The following AVEN variants were observed in gnomAD, a reference collection of about 807,000 sequenced individuals.
AVEN encodes the protein cell death regulator Aven.
A neutral mutation model predicts 38.1 loss-of-function variants in AVEN; 41 were observed. That is an observed-to-expected ratio of 1.08 (90% CI 0.84 to 1.40). The LOEUF is 1.40. AVEN is among the 40% of genes most tolerant of loss of function. The pLI is 0.00. For missense variants in AVEN, 605 were observed against 438.8 expected, an observed-to-expected ratio of 1.38 and a Z score of -3.38; for synonymous variants, 206 against 171.8, an observed-to-expected ratio of 1.20 and a Z score of -1.56.
chr15:33,855,911 C>G (rs1467528917), downstream of AVEN: 1 of 152,184 alleles, frequency 6.6e-6, no homozygotes, highest in Non-Finnish European at 1.5e-5. Flanking sequence ...TTTCATTCCT[C>G]ATTAAGTACA....
chr15:34,054,561 C>G (rs2140833301), intron 5 of AVEN, among the ~76,000 whole-genome samples: 1 of 152,266 alleles, frequency 6.6e-6, no homozygotes, highest in South Asian at 2.1e-4. Context: ...TTACCCTGAG[C>G]AGACTAACAC....
chr15:33,882,907 G>A (rs116749129), intron 2 of AVEN, among the ~76,000 whole-genome samples: 2,412 of 151,994 alleles, frequency 0.016, 68 homozygotes, highest in African/African-American at 0.054. Flanking sequence ...AAACAAAAAC[G>A]GAAGAAAATT....
In AVEN at chr15:33,983,200, G is replaced by GTATATATA. The variant is rs769965010; in HGVS notation, c.445+19824_445+19831dup. Among the ~76,000 whole-genome samples the GTATATATA allele has an allele frequency of 9.4e-5, 6 of 63,960 alleles. No homozygotes were observed. The East Asian group carries it at 2.2e-3, about 24-fold the overall frequency. 42.0% of individuals were successfully genotyped at this position (63,960 alleles called of 152,430 possible). A position where few individuals can be genotyped will look rare whatever the true frequency, so the allele number is the denominator to read the frequency against. On this transcript the variant is annotated intron_variant, in intron 2 of 5. Transcript: ENST00000306730. ...TATACACACGTGTGTGTATGTGTGTGTATATATATATATACATATATATAC... is the reference window on the plus strand; with the variant it reads ...TATACACACGTGTGTGTATGTGTGTGTATATATATATATATATATATACATATATATAC...
At chr15:34,054,068 G>T (rs761589708) in intron 5 of AVEN, among the ~76,000 whole-genome samples, 4 of 151,610 alleles carry the variant, frequency 2.6e-5, no homozygotes, top group Non-Finnish European at 5.9e-5. Context: ...GCCAAAAAAC[G>T]TGAAAAAAAA....
At chr15:34,043,117 G>A (rs1899545702), upstream of AVEN, among the ~76,000 whole-genome samples, 1 of 151,896 alleles carries the variant, frequency 6.6e-6, no homozygotes, top group South Asian at 2.1e-4. Flanking sequence ...CATGGTGACG[G>A]GCGCCTGTAG....
At chr15:33,862,929 G>C (rs1415985255), downstream of AVEN, among the ~76,000 whole-genome samples, 2 of 152,224 alleles carry the variant, frequency 1.3e-5, no homozygotes, top group Non-Finnish European at 2.9e-5. Context: ...AAAAACTTGA[G>C]TTTTAAAAAG....
chr15:34,067,929 A>G (rs1900550257), intron 2 of AVEN, among the ~76,000 whole-genome samples: 1 of 152,210 alleles, frequency 6.6e-6, no homozygotes, highest in Admixed American at 6.5e-5. Context: ...CCAGATCGAG[A>G]GTGAGCGGAA....
chr15:34,044,027 T>C (rs577135093), upstream of AVEN, among the ~76,000 whole-genome samples: 2 of 152,152 alleles, frequency 1.3e-5, no homozygotes, highest in African/African-American at 2.4e-5. Flanking sequence ...TGCACATCAG[T>C]TGGTACCTTC....
chr15:33,856,253 C>T (rs773767336), downstream of AVEN: 2 of 152,208 alleles, frequency 1.3e-5, no homozygotes, highest in Non-Finnish European at 2.9e-5. Context: ...AGGTTTGAGT[C>T]ACTATTCTTC....
At chr15:34,049,107 C>T (rs1278274385) in intron 5 of AVEN, among the ~76,000 whole-genome samples, 2 of 152,190 alleles carry the variant, frequency 1.3e-5, no homozygotes, top group Non-Finnish European at 2.9e-5. Context: ...ACAGATTCAA[C>T]ACAAAAATGC....
chr15:33,905,322 C>T (rs778383757), intron 2 of AVEN, among the ~76,000 whole-genome samples: 40 of 152,014 alleles, frequency 2.6e-4, no homozygotes, highest in Non-Finnish European at 4.0e-4. Context: ...ATTATCTAAG[C>T]TTCAATTCTC....
intron 1 of AVEN, among the ~76,000 whole-genome samples, chr15:34,030,127 G>A (rs1405067777): frequency 1.3e-5 from 2 of 151,962 alleles, no homozygotes; most frequent in Non-Finnish European, 2.9e-5. Context: ...GGTGGCACAT[G>A]TCTGTAATCC....
At chr15:33,867,231 C>T (rs974997234) in intron 5 of AVEN, among the ~76,000 whole-genome samples, 4 of 152,198 alleles carry the variant, frequency 2.6e-5, no homozygotes, top group African/African-American at 7.2e-5. Context: ...CTTCTGATAG[C>T]GGAAATTCCA....
At chr15:33,884,666 C>CA (rs1444993025) in intron 2 of AVEN, among the ~76,000 whole-genome samples, 2 of 152,182 alleles carry the variant, frequency 1.3e-5, no homozygotes, top group Non-Finnish European at 2.9e-5. Context: ...CTTACCCTTT[C>CA]AGCCCTATCA....
chr15:34,038,526 G>A (rs1312261971), intron 1 of AVEN, among the ~76,000 whole-genome samples: 2 of 151,990 alleles, frequency 1.3e-5, no homozygotes, highest in Non-Finnish European at 2.9e-5. Flanking sequence ...CCTGGGGCAG[G>A]CTGGGAAGCC....
At chr15:34,064,181 C>T in intron 4 of AVEN, 3 of 1,614,196 alleles carry the variant, frequency 1.9e-6, no homozygotes, top group Non-Finnish European at 2.5e-6. Context: ...ATGTCAATAG[C>T]ACTGTCAACC....
At chr15:34,000,685 A>C (rs1897104769) in intron 2 of AVEN, among the ~76,000 whole-genome samples, 1 of 152,242 alleles carries the variant, frequency 6.6e-6, no homozygotes, top group Non-Finnish European at 1.5e-5. Context: ...TGACCTCTCG[A>C]AAGTAAACCA....
At chr15:33,927,844 A>T (rs1323407476) in intron 2 of AVEN, among the ~76,000 whole-genome samples, 3 of 151,942 alleles carry the variant, frequency 2.0e-5, no homozygotes, top group African/African-American at 7.3e-5. Flanking sequence ...AGATAAGGGG[A>T]AATTTGAGTT....
At chr15:33,998,365 T>C (rs570512151) in intron 2 of AVEN, among the ~76,000 whole-genome samples, 5 of 152,072 alleles carry the variant, frequency 3.3e-5, no homozygotes, top group Non-Finnish European at 5.9e-5. Context: ...GTGGCTGACA[T>C]CAGTAATCCC....
Sources: gnomAD v4.1 joint callset for allele counts (sites outside exome capture counted in the v4.1 genomes callset) on GRCh38, gnomAD v4.1.1 for gene constraint, MANE v1.5 for transcripts, NCBI Gene and HGNC (gene_info 2026-07-23, HGNC 2026-07-21) for gene names.